Variants in FSCN2 observed in about 807,000 individuals in gnomAD.
The protein encoded by FSCN2 is fascin-2.
FSCN2 carries 46 observed loss-of-function variants against 37.8 expected under a neutral mutation model. The observed-to-expected ratio is 1.22, with a 90% CI of 0.96 to 1.56. The LOEUF is 1.56. Ranked by LOEUF, FSCN2 falls within the 40% of genes most tolerant of loss-of-function variation. The pLI is 0.00. For missense variants in FSCN2, 844 were observed against 730.4 expected, an observed-to-expected ratio of 1.16 and a Z score of -1.79; for synonymous variants, 351 against 309.4, an observed-to-expected ratio of 1.13 and a Z score of -1.41.
upstream of FSCN2, among the ~76,000 whole-genome samples, chr17:81,528,243 G>A (rs1322656980): frequency 1.8e-4 from 28 of 152,224 alleles, no homozygotes; most frequent in Admixed American, 1.6e-3. Context: ...TGTGCAATCC[G>A]GGAGTGGCTG....
intron 1 of FSCN2, among the ~76,000 whole-genome samples, chr17:81,534,572 T>A (rs1272744271): frequency 6.6e-6 from 1 of 151,384 alleles, no homozygotes; most frequent in Non-Finnish European, 1.5e-5. Context: ...CAAGCACAGA[T>A]GGTTGGGGAA....
At chr17:81,516,892 T>G in the FSCN2 span, among the ~76,000 whole-genome samples, 1 of 136,038 alleles carries the variant, frequency 7.4e-6, no homozygotes, top group Non-Finnish European at 1.7e-5. Flanking sequence ...CTCTGCATGT[T>G]TTGTCCAATT....
At chr17:81,524,807 A>T (rs1277588628), upstream of FSCN2, among the ~76,000 whole-genome samples, 1 of 151,878 alleles carries the variant, frequency 6.6e-6, no homozygotes, top group East Asian at 1.9e-4. Context: ...TCAGGCTGGG[A>T]TCCAGGATGA....
At chr17:81,517,936 T>C in the FSCN2 span, among the ~76,000 whole-genome samples, 1 of 152,094 alleles carries the variant, frequency 6.6e-6, no homozygotes, top group Admixed American at 6.5e-5. Context: ...GAAACCACCG[T>C]CCCAGGCCAC....
At chr17:81,535,442 C>T (rs1188439413) in intron 2 of FSCN2, among the ~76,000 whole-genome samples, 1 of 135,430 alleles carries the variant, frequency 7.4e-6, no homozygotes, top group African/African-American at 3.3e-5. Flanking sequence ...CCATCCCCAC[C>T]ATCCGCATCC....
At chr17:81,519,809 C>T in the FSCN2 span, among the ~76,000 whole-genome samples, 3 of 152,212 alleles carry the variant, frequency 2.0e-5, no homozygotes, top group Non-Finnish European at 4.4e-5. Context: ...CGGGGTCCCT[C>T]CTGCGACCGA....
intron 1 of FSCN2, among the ~76,000 whole-genome samples, chr17:81,531,750 GTGATGGCGA>G (rs2032628828): frequency 1.0e-5 from 1 of 98,640 alleles, no homozygotes; most frequent in Admixed American, 1.0e-4. Context: ...GGTGATGATA[GTGATGGCGA>G]TGATGGTGAT....
In FSCN2 at chr17:81,531,318, A is replaced by ATGGTGGTGGTGGTGATGG. The variant is rs781882828; in HGVS notation, c.826+1963_826+1964insGTGGTGGTGGTGATGGTG. Among the ~76,000 whole-genome samples the ATGGTGGTGGTGGTGATGG allele has an allele frequency of 4.0e-4, 16 of 39,956 alleles. No homozygotes were observed. In the East Asian group the frequency reaches 0.013, roughly 31 times the overall value. 26.2% of individuals were successfully genotyped at this position (39,956 alleles called of 152,430 possible). A position where few individuals can be genotyped will look rare whatever the true frequency, so the allele number is the denominator to read the frequency against. On this transcript the variant is annotated intron_variant, in intron 1 of 4. Transcript: ENST00000417245. ...GGTGATGGTGATGGTGGTGGTGGTG[A>ATGGTGGTGGTGGTGATGG]TGATGGTGGTGGTGGTGATGGTGGT... is the stretch of plus-strand genomic sequence containing the variant.
At chr17:81,532,090 TGATGATGGTGATGATAGTGATGGC>T (rs1269140419) in intron 1 of FSCN2, among the ~76,000 whole-genome samples, 11 of 145,596 alleles carry the variant, frequency 7.6e-5, no homozygotes, top group South Asian at 6.7e-4. Flanking sequence ...ATGGTGATGG[TGATGATGGTGATGATAGTGATGGC>T]GATGATGGTG....
intron 1 of FSCN2, among the ~76,000 whole-genome samples, chr17:81,532,077 GTGA>G: frequency 9.2e-6 from 1 of 109,078 alleles, no homozygotes; most frequent in South Asian, 3.5e-4. Context: ...AGTGATGGTG[GTGA>G]TGGTGATGGT....
the FSCN2 span, among the ~76,000 whole-genome samples, chr17:81,515,925 A>G: frequency 1.3e-5 from 2 of 152,160 alleles, no homozygotes; most frequent in African/African-American, 4.8e-5. Flanking sequence ...GCTCGCTGCA[A>G]CCTCTGTCTC....
At chr17:81,523,373 AAG>A in the FSCN2 span, among the ~76,000 whole-genome samples, 1 of 152,236 alleles carries the variant, frequency 6.6e-6, no homozygotes, top group Non-Finnish European at 1.5e-5. Context: ...AGGCCAGAGA[AAG>A]AGAAGTGCGG....
intron 1 of FSCN2, 66 bp from the exon 2 acceptor site, chr17:81,534,986 A>G (rs1308589340): frequency 3.9e-6 from 5 of 1,288,946 alleles, no homozygotes; most frequent in Non-Finnish European, 5.2e-6. Flanking sequence ...GCCCCCCAAA[A>G]TATGCCCCCT....
chr17:81,517,481 CA>C, the FSCN2 span, among the ~76,000 whole-genome samples: 1 of 152,212 alleles, frequency 6.6e-6, no homozygotes, highest in Non-Finnish European at 1.5e-5. Context: ...GCAAACCCCC[CA>C]GGCGTCTTGC....
upstream of FSCN2, chr17:81,527,654 G>A (rs1392297272): frequency 2.0e-5 from 3 of 152,400 alleles, no homozygotes; most frequent in African/African-American, 7.2e-5. Flanking sequence ...AGTGAAGTGA[G>A]GCTGGCTTCA....
intron 1 of FSCN2, chr17:81,530,706 A>G: frequency 2.1e-6 from 1 of 465,600 alleles, no homozygotes; most frequent in Non-Finnish European, 4.2e-6. Flanking sequence ...CTCTGGGGCC[A>G]GATGGCAGAG....
chr17:81,517,335 C>A, the FSCN2 span, among the ~76,000 whole-genome samples: 2 of 152,188 alleles, frequency 1.3e-5, no homozygotes, highest in Non-Finnish European at 2.9e-5. Context: ...CACGTGACCT[C>A]TCTGTACCCC....
chr17:81,525,096 G>C (rs1459357353), upstream of FSCN2, among the ~76,000 whole-genome samples: 6 of 152,066 alleles, frequency 3.9e-5, no homozygotes, highest in African/African-American at 1.2e-4. Flanking sequence ...GTTCAGCCTG[G>C]GTGACAGAGC....
intron 1 of FSCN2, among the ~76,000 whole-genome samples, chr17:81,531,558 ATGG>A (rs1340228766): frequency 2.9e-5 from 3 of 104,290 alleles, no homozygotes; most frequent in African/African-American, 1.1e-4. Context: ...GATGGCGATG[ATGG>A]TGATGATAGT....
Sources: allele counts gnomAD v4.1 joint callset (sites outside exome capture counted in the v4.1 genomes callset), GRCh38; gene constraint gnomAD v4.1.1; transcripts MANE v1.5; gene names NCBI Gene and HGNC (gene_info 2026-07-23, HGNC 2026-07-21).